The following CFAP161 variants were observed in gnomAD, a reference collection of about 807,000 sequenced individuals.
CFAP161 encodes the protein cilia and flagella associated protein 161.
Under a neutral mutation model 29.0 loss-of-function variants are expected in CFAP161, and 25 were observed. The observed-to-expected ratio is 0.86, with a 90% confidence interval of 0.63 to 1.20. The LOEUF (loss-of-function observed/expected upper bound fraction) is 1.20. Among genes scored for constraint, CFAP161 ranks in the 50% most tolerant of loss-of-function variants. The pLI, the probability that CFAP161 is intolerant of heterozygous loss-of-function variation, is 0.00. For synonymous variants in CFAP161, 116 were observed against 137.4 expected (o/e 0.84, Z 1.09); for missense variants, 367 against 371.9 (o/e 0.99, Z 0.11).
intron 1 of CFAP161, among the ~76,000 whole-genome samples, chr15:81,120,565 C>T (rs947074214): frequency 1.3e-5 from 2 of 152,162 alleles, no homozygotes; most frequent in Admixed American, 1.3e-4. Flanking sequence ...GCCAGGAGTT[C>T]AAGACCAGCT....
chr15:81,109,452 A>G (rs1363408106), intron 1 of CFAP161, among the ~76,000 whole-genome samples: 1 of 152,236 alleles, frequency 6.6e-6, no homozygotes, highest in Non-Finnish European at 1.5e-5. Context: ...TTTGGCACCC[A>G]TCAAGTAGAA....
chr15:81,122,561 G>A (rs1038280303), intron 1 of CFAP161, among the ~76,000 whole-genome samples: 26 of 149,778 alleles, frequency 1.7e-4, no homozygotes, highest in African/African-American at 6.2e-4. Context: ...GTATGATCTC[G>A]GCTCACTACA....
chr15:81,114,655 G>A (rs1423622816), intron 1 of CFAP161, among the ~76,000 whole-genome samples: 1 of 152,106 alleles, frequency 6.6e-6, no homozygotes, highest in East Asian at 1.9e-4. Flanking sequence ...AGAGGAAGAC[G>A]AGGGTTTTTG....
Position 81,134,379 on chromosome 15 carries a change from AG to A in CFAP161, c.52del (p.Asp18MetfsTer9). 1 of 1,589,218 alleles carries A rather than the reference AG, an allele frequency of 6.3e-7. No individual in the cohort carries two copies. Among genetic ancestry groups the A allele is most frequent in the Non-Finnish European group, 8.6e-7 (1 of 1,168,854 alleles). ...GPGVRIGNWN[E>X]DVYLEEELMK... The stretch of plus-strand genomic sequence containing the variant: ...GGAGTCCGGATAGGCAACTGGAATG[AG>A]GATGTCTACCTGGAGGAGGTACGCA... On this transcript the variant is annotated frameshift_variant, in exon 1 of 7. Transcript: ENST00000286732. LOFTEE classifies it high-confidence loss of function.
intron 5 of CFAP161, 144 bp downstream of exon 5, chr15:81,143,964 C>T: frequency 1.1e-6 from 1 of 900,912 alleles, no homozygotes; most frequent in South Asian, 2.2e-5. Flanking sequence ...TTATAACACA[C>T]AGACTTATAG....
intron 5 of CFAP161, among the ~76,000 whole-genome samples, chr15:81,147,495 A>C (rs1895029049): frequency 6.6e-6 from 1 of 152,140 alleles, no homozygotes; most frequent in African/African-American, 2.4e-5. Context: ...ACACAAACCC[A>C]GATGGCATAG....
At chr15:81,112,300 T>G (rs1894448620) in intron 1 of CFAP161, among the ~76,000 whole-genome samples, 1 of 152,166 alleles carries the variant, frequency 6.6e-6, no homozygotes, top group Non-Finnish European at 1.5e-5. Context: ...TGTATTTATC[T>G]TTCCTAATAT....
chr15:81,147,297 C>T (rs35000575), intron 5 of CFAP161, among the ~76,000 whole-genome samples: 1 of 151,896 alleles, frequency 6.6e-6, no homozygotes, highest in Non-Finnish European at 1.5e-5. Flanking sequence ...CCCCCCAGTA[C>T]CCGCTCTTTT....
At chr15:81,116,513 T>A (rs1276028673) in intron 1 of CFAP161, among the ~76,000 whole-genome samples, 4 of 152,202 alleles carry the variant, frequency 2.6e-5, no homozygotes. Flanking sequence ...GTCAGGCTGG[T>A]CTCAAACTCC....
In CFAP161 at chr15:81,148,886, A is replaced by G. The variant is rs1359218217; in HGVS notation, c.*353A>G. ...TATGTAATAAAGCTGTTGGACCTAT[A>G]CTGAATTTTTGGTACCACAGTTTCC... On this transcript the variant is annotated 3_prime_UTR_variant, in exon 7 of 7. Coordinates refer to ENST00000286732, the MANE Select transcript of CFAP161 (RefSeq NM_173528.4). 3.7e-5 allele frequency: 6 copies of G among 160,604 alleles called. No homozygotes were observed. Among genetic ancestry groups the G allele is most frequent in the Non-Finnish European group, 6.8e-5 (5 of 73,766 alleles). The allele number at this position is 160,604 out of a possible 1,614,324, so 9.9% of individuals were successfully genotyped here. A position where few individuals can be genotyped will look rare whatever the true frequency, so the allele number is the denominator to read the frequency against.
At chr15:81,105,860 TC>T (rs1894366519) in intron 1 of CFAP161, among the ~76,000 whole-genome samples, 1 of 152,196 alleles carries the variant, frequency 6.6e-6, no homozygotes. Flanking sequence ...CTACAGATGG[TC>T]CCAGGAGTGT....
intron 1 of CFAP161, among the ~76,000 whole-genome samples, chr15:81,101,659 G>C (rs535017451): frequency 1.3e-5 from 2 of 151,228 alleles, no homozygotes; most frequent in South Asian, 4.2e-4. Flanking sequence ...GCTCTTTGCC[G>C]ACCAGCATGG....
At chr15:81,113,214 C>T (rs1432674733) in intron 1 of CFAP161, among the ~76,000 whole-genome samples, 2 of 152,158 alleles carry the variant, frequency 1.3e-5, no homozygotes, top group Non-Finnish European at 2.9e-5. Flanking sequence ...GGACTCTGCT[C>T]ATGCCCAAGT....
intron 1 of CFAP161, among the ~76,000 whole-genome samples, chr15:81,120,846 C>T (rs1894562883): frequency 6.6e-6 from 1 of 152,142 alleles, no homozygotes; most frequent in Admixed American, 6.5e-5. Flanking sequence ...ACAGCATTTT[C>T]CAACCTAAAA....
intron 5 of CFAP161, among the ~76,000 whole-genome samples, chr15:81,145,769 T>C (rs1217865523): frequency 2.0e-5 from 3 of 152,180 alleles, no homozygotes; most frequent in African/African-American, 7.2e-5. Flanking sequence ...AGATTACTTA[T>C]TGCAGTGAGG....
chr15:81,139,033 G>A (rs1193162607), intron 4 of CFAP161, among the ~76,000 whole-genome samples: 3 of 152,070 alleles, frequency 2.0e-5, no homozygotes, highest in Non-Finnish European at 4.4e-5. Context: ...TGGGTGCAGC[G>A]GCTCATGCCT....
Position 81,138,074 on chromosome 15 carries a change from A to G in CFAP161, c.416A>G (p.Gln139Arg). The G allele has an allele frequency of 6.2e-7, 1 of 1,612,222 alleles. No homozygotes were observed. The highest frequency in any genetic ancestry group is 8.5e-7 in the Non-Finnish European group (1 of 1,178,244). The change falls in exon 4 of 7, where the codon CAA becomes CGA. Residue 139 changes from glutamine (Q) to arginine (R), a missense_variant. Coordinates refer to ENST00000286732, the MANE Select transcript of CFAP161 (RefSeq NM_173528.4). ...ILSVHRDATG[Q>R]VLRYGQDFCL... ...AGTGTACACAGAGATGCCACTGGTC[A>G]AGTCCTTAGATATGGGCAGGACTTT...
At position 81,135,253 on chromosome 15, in the gene CFAP161, G is replaced by A; in HGVS notation, c.70-17G>A. The A allele has an allele frequency of 6.5e-7, 1 of 1,544,322 alleles. No individual in the cohort carries two copies. The highest frequency in any genetic ancestry group is 8.8e-7 in the Non-Finnish European group (1 of 1,140,730). ...ATCTATATTATTCAGGGCTACTTTTGTTGATTTTCTGTTTAGGAGCTCATG... is the reference window on the plus strand; with the variant it reads ...ATCTATATTATTCAGGGCTACTTTTATTGATTTTCTGTTTAGGAGCTCATG... On this transcript the variant is annotated splice_polypyrimidine_tract_variant and intron_variant, in intron 1 of 6. Transcript: ENST00000286732.
chr15:81,108,078 G>A (rs888750817), intron 1 of CFAP161, among the ~76,000 whole-genome samples: 8 of 152,104 alleles, frequency 5.3e-5, no homozygotes, highest in African/African-American at 1.9e-4. Context: ...GACGGTTTGG[G>A]GAAATGAGTC....
Sources: gnomAD v4.1 joint callset for allele counts (sites outside exome capture counted in the v4.1 genomes callset) on GRCh38, gnomAD v4.1.1 for gene constraint, MANE v1.5 for transcripts, NCBI Gene and HGNC (gene_info 2026-07-23, HGNC 2026-07-21) for gene names.